CREB5: variants seen among roughly 807,000 people sequenced by gnomAD.
CREB5 encodes cyclic AMP-responsive element-binding protein 5.
Under a neutral mutation model 57.1 loss-of-function variants are expected in CREB5, and 19 were observed. The observed-to-expected ratio is 0.33, with a 90% CI of 0.23 to 0.49. The LOEUF (loss-of-function observed/expected upper bound fraction) is 0.49. Among genes scored for constraint, CREB5 ranks in the 20% least tolerant of loss-of-function variants. The pLI is 0.99. For missense variants in CREB5, 579 were observed against 671.6 expected (o/e 0.86, Z 1.52); for synonymous variants, 238 against 238.3 (o/e 1.00, Z 0.01).
chr7:28,484,646 G>A (rs1323384903), intron 1 of CREB5, among the ~76,000 whole-genome samples: 2 of 152,114 alleles, frequency 1.3e-5, no homozygotes, highest in Non-Finnish European at 2.9e-5. Context: ...TTGGTCCATG[G>A]GATCCGTGGC....
chr7:28,775,020 T>G (rs900775615), intron 7 of CREB5, among the ~76,000 whole-genome samples: 6 of 152,198 alleles, frequency 3.9e-5, no homozygotes, highest in African/African-American at 1.4e-4. Context: ...AGTTTGAGAT[T>G]CTGGTTATAT....
chr7:28,573,259 C>CTT lies in CREB5; in HGVS notation c.464+2730_464+2731dup, dbSNP rs34821158. Among the ~76,000 whole-genome samples, 225 of 151,468 alleles carry CTT rather than the reference C, an allele frequency of 1.5e-3. 1 individual carries two copies. The highest frequency in any genetic ancestry group is 5.2e-3 in the African/African-American group (216 of 41,230). ...AATGAGCATTTGAAATTGCAGATAG[C>CTT]TTTTTTTTTACTTTATTTTTTTTGA... On this transcript the variant is annotated intron_variant, in intron 5 of 10. Transcript: ENST00000357727.
At chr7:28,571,260 T>C (rs192679713) in intron 5 of CREB5, among the ~76,000 whole-genome samples, 1 of 152,286 alleles carries the variant, frequency 6.6e-6, no homozygotes, top group Non-Finnish European at 1.5e-5. Flanking sequence ...TTTAATATTT[T>C]TGGACCACGA....
At chr7:28,509,726 A>G (rs1792622968) in intron 4 of CREB5, among the ~76,000 whole-genome samples, 1 of 152,220 alleles carries the variant, frequency 6.6e-6, no homozygotes, top group South Asian at 2.1e-4. Flanking sequence ...CCAAAGTAAG[A>G]AAAGGAACTA....
At chr7:28,629,903 A>G (rs1200967053) in intron 5 of CREB5, among the ~76,000 whole-genome samples, 1 of 152,224 alleles carries the variant, frequency 6.6e-6, no homozygotes, top group Non-Finnish European at 1.5e-5. Flanking sequence ...AGGAGTATAG[A>G]TTTGAAAGGA....
At chr7:28,495,456 C>A (rs1248525669) in intron 3 of CREB5, among the ~76,000 whole-genome samples, 1 of 151,716 alleles carries the variant, frequency 6.6e-6, no homozygotes, top group Admixed American at 6.6e-5. Context: ...GCATGAGAAT[C>A]GCTTGGACCC....
At chr7:28,383,435 G>C (rs892284628) in intron 1 of CREB5, among the ~76,000 whole-genome samples, 2 of 152,158 alleles carry the variant, frequency 1.3e-5, no homozygotes, top group Non-Finnish European at 2.9e-5. Flanking sequence ...ATTGGCTCAG[G>C]GTTCTGCAGG....
chr7:28,459,192 G>A (rs537732959), intron 1 of CREB5, among the ~76,000 whole-genome samples: 42 of 152,234 alleles, frequency 2.8e-4, no homozygotes, highest in African/African-American at 9.9e-4. Flanking sequence ...ACGCTCCTGT[G>A]TGTGTGTGCG....
chr7:28,438,301 G>A (rs1049629709), intron 1 of CREB5, among the ~76,000 whole-genome samples: 3 of 152,006 alleles, frequency 2.0e-5, no homozygotes, highest in Non-Finnish European at 2.9e-5. Context: ...AGAATATGTT[G>A]CATACTCCAA....
intron 5 of CREB5, among the ~76,000 whole-genome samples, chr7:28,708,010 C>G (rs1405445972): frequency 6.6e-6 from 1 of 152,166 alleles, no homozygotes; most frequent in Non-Finnish European, 1.5e-5. Flanking sequence ...TCCACACCTC[C>G]CCCTTCTCCC....
intron 1 of CREB5, among the ~76,000 whole-genome samples, chr7:28,430,527 G>A (rs1268586580): frequency 3.9e-5 from 6 of 152,080 alleles, no homozygotes; most frequent in Non-Finnish European, 5.9e-5. Context: ...AATTATGAGC[G>A]GCCGTTATGA....
chr7:28,337,602 GTT>G (rs1785850904), intron 1 of CREB5, among the ~76,000 whole-genome samples: 1 of 151,846 alleles, frequency 6.6e-6, no homozygotes. Flanking sequence ...GGTGAAGTGT[GTT>G]CCATGTAGGC....
Position 28,306,555 on chromosome 7 carries a change from G to GTTT in CREB5, c.-25+7135_-25+7137dup, listed in dbSNP as rs869277871. Among the ~76,000 whole-genome samples the GTTT allele has an allele frequency of 8.7e-3, 504 of 58,036 alleles. 2 individuals carry two copies. The highest frequency in any genetic ancestry group is 0.019 in the African/African-American group (298 of 15,428). The allele number at this position is 58,036 out of a possible 152,430, so 38.1% of individuals were successfully genotyped here. A position where few individuals can be genotyped will look rare whatever the true frequency, so the allele number is the denominator to read the frequency against. On this transcript the variant is annotated intron_variant, in intron 1 of 9. Coordinates refer to the CREB5 transcript ENST00000396299. ...ATACAGATACAGTTTTGTTTTTTTT[G>GTTT]TTTTTTTTTTTTTTTTTTTTTTTGA...
chr7:28,495,098 G>A, intron 3 of CREB5, 99 bp downstream of exon 3: 2 of 722,358 alleles, frequency 2.8e-6, no homozygotes, highest in Non-Finnish European at 4.3e-6. Context: ...GGTAAATTGT[G>A]CACCTTGAAA....
chr7:28,391,241 T>C (rs42695), intron 1 of CREB5, among the ~76,000 whole-genome samples: 123,788 of 152,096 alleles, frequency 0.81, 51,761 homozygotes, highest in Middle Eastern at 0.93. Flanking sequence ...TCTTCAGACC[T>C]GTGGTAATAA....
At chr7:28,518,979 T>A (rs901947596) in intron 4 of CREB5, among the ~76,000 whole-genome samples, 1 of 152,222 alleles carries the variant, frequency 6.6e-6, no homozygotes, top group African/African-American at 2.4e-5. Context: ...ATCTGAAGAA[T>A]TGACATTAAA....
chr7:28,499,496 G>T (rs1207216393), intron 3 of CREB5, among the ~76,000 whole-genome samples: 2 of 152,154 alleles, frequency 1.3e-5, no homozygotes, highest in Non-Finnish European at 2.9e-5. Context: ...GTTCAAGAGT[G>T]TTGTGGATCT....
chr7:28,384,203 T>G (rs1787030330), intron 1 of CREB5, among the ~76,000 whole-genome samples: 1 of 152,148 alleles, frequency 6.6e-6, no homozygotes, highest in Admixed American at 6.5e-5. Context: ...GACGAGCGTC[T>G]GTAGTTAGCA....
At chr7:28,343,830 G>A (rs1245185388) in intron 1 of CREB5, among the ~76,000 whole-genome samples, 1 of 152,184 alleles carries the variant, frequency 6.6e-6, no homozygotes, top group Non-Finnish European at 1.5e-5. Context: ...CAGTGCACAA[G>A]GATTCTCTTT....
Sources: allele counts gnomAD v4.1 joint callset (sites outside exome capture counted in the v4.1 genomes callset), GRCh38; gene constraint gnomAD v4.1.1; transcripts MANE v1.5; gene names NCBI Gene and HGNC (gene_info 2026-07-23, HGNC 2026-07-21).